SHANK2: variants seen among roughly 807,000 people sequenced by gnomAD.
SHANK2 encodes the protein SH3 and multiple ankyrin repeat domains 2.
In SHANK2, 43 loss-of-function variants were observed where a neutral mutation model predicts 133.7. The ratio of observed to expected loss-of-function variants is 0.32; its 90% CI spans 0.25 to 0.41. The LOEUF is 0.41. Ranked by LOEUF, SHANK2 falls within the 10% of genes least tolerant of loss-of-function variation. The pLI is 1.00. For synonymous variants in SHANK2, 1,017 were observed against 952.8 expected (o/e 1.07, Z -1.24); for missense variants, 1,994 against 2,235.8 (o/e 0.89, Z 2.18).
chr11:70,575,159 T>C (rs1554983962), intron 17 of SHANK2, among the ~76,000 whole-genome samples: 17 of 151,960 alleles, frequency 1.1e-4, no homozygotes. Flanking sequence ...GACACTGGGG[T>C]CCAGGCCAAG....
At chr11:70,576,461 T>C (rs939041657) in intron 17 of SHANK2, among the ~76,000 whole-genome samples, 13 of 151,714 alleles carry the variant, frequency 8.6e-5, no homozygotes, top group South Asian at 4.2e-4. Context: ...GGTGAAACCC[T>C]GTCTCTACTA....
At chr11:71,137,517 T>C (rs1184378667) in intron 3 of SHANK2, among the ~76,000 whole-genome samples, 2 of 152,042 alleles carry the variant, frequency 1.3e-5, no homozygotes, top group African/African-American at 4.8e-5. Context: ...GTGGATGCTG[T>C]GTGAATGGAA....
At chr11:70,938,535 CT>C (rs1464530018) in intron 10 of SHANK2, among the ~76,000 whole-genome samples, 1 of 152,178 alleles carries the variant, frequency 6.6e-6, no homozygotes, top group African/African-American at 2.4e-5. Flanking sequence ...ATTTTGCTCA[CT>C]AAGATTTAGC....
intron 17 of SHANK2, among the ~76,000 whole-genome samples, chr11:70,549,156 G>A (rs902764803): frequency 2.6e-5 from 4 of 152,200 alleles, no homozygotes; most frequent in Non-Finnish European, 4.4e-5. Context: ...GGCGCTCGAC[G>A]TGAAAGCTCA....
At chr11:70,669,456 G>C (rs1249875478) in intron 15 of SHANK2, 1 of 152,492 alleles carries the variant, frequency 6.6e-6, no homozygotes, top group Non-Finnish European at 1.5e-5. Flanking sequence ...CATTCGGTGG[G>C]GGGCGTTGCA....
At chr11:70,546,103 T>A (rs1314757610) in intron 17 of SHANK2, among the ~76,000 whole-genome samples, 113 of 53,836 alleles carry the variant, frequency 2.1e-3, no homozygotes, top group African/African-American at 5.0e-3. Context: ...TTTAATTTTT[T>A]TTTTTTTTTT....
intron 5 of SHANK2, among the ~76,000 whole-genome samples, chr11:71,110,786 C>T (rs1555099049): frequency 6.6e-6 from 1 of 152,174 alleles, no homozygotes; most frequent in African/African-American, 2.4e-5. Flanking sequence ...TGTTTAAAAT[C>T]CCCTCACCGT....
At chr11:71,190,219 G>A (rs528815220) in intron 2 of SHANK2, among the ~76,000 whole-genome samples, 1 of 152,362 alleles carries the variant, frequency 6.6e-6, no homozygotes, top group Non-Finnish European at 1.5e-5. Context: ...GCTGGCCTTG[G>A]ACTAGAAGAT....
intron 17 of SHANK2, among the ~76,000 whole-genome samples, chr11:70,613,923 C>G (rs2060701828): frequency 6.6e-6 from 1 of 152,108 alleles, no homozygotes; most frequent in Non-Finnish European, 1.5e-5. Context: ...CACCACCATG[C>G]CCAGCTAATT....
chr11:71,219,719 C>T (rs1280661198), intron 2 of SHANK2, among the ~76,000 whole-genome samples: 1 of 151,708 alleles, frequency 6.6e-6, no homozygotes, highest in East Asian at 1.9e-4. Flanking sequence ...GGTAAAATCC[C>T]GTCTCTACTA....
chr11:70,535,358 ACCATCATCCATCTG>A lies in SHANK2; in HGVS notation c.2062-32441_2062-32428del, dbSNP rs1451661663. Among the ~76,000 whole-genome samples, 18 of 151,344 alleles carry A rather than the reference ACCATCATCCATCTG, an allele frequency of 1.2e-4. No homozygotes were observed. Among genetic ancestry groups the A allele is most frequent in the African/African-American group, 4.1e-4 (17 of 41,178 alleles). Reference sequence around the variant, plus strand: ...TCTTCCATTCATCCATTCATTATCTACCATCATCCATCTGCCATCATCCATCAGTCTAACCAGTC... The same window carrying A: ...TCTTCCATTCATCCATTCATTATCTACCATCATCCATCAGTCTAACCAGTC... On this transcript the variant is annotated intron_variant, in intron 17 of 25. Transcript: ENST00000601538. The surrounding 1 kb of genome is among the most constrained non-coding windows in gnomAD (Gnocchi z 4.3).
chr11:70,847,528 C>A (rs1329554613), intron 11 of SHANK2, among the ~76,000 whole-genome samples: 1 of 152,142 alleles, frequency 6.6e-6, no homozygotes, highest in African/African-American at 2.4e-5. Flanking sequence ...TGCCCCCCTA[C>A]CCAACTCAGA....
At chr11:70,682,422 G>A (rs868919237) in intron 15 of SHANK2, among the ~76,000 whole-genome samples, 34 of 152,336 alleles carry the variant, frequency 2.2e-4, no homozygotes, top group Admixed American at 1.7e-3. Flanking sequence ...GAGGATCACC[G>A]AAGGTCAGGA....
intron 11 of SHANK2, among the ~76,000 whole-genome samples, chr11:70,833,702 G>A (rs1210634662): frequency 2.0e-5 from 3 of 152,236 alleles, no homozygotes; most frequent in African/African-American, 7.2e-5. Flanking sequence ...GCTCAACAGA[G>A]GTTAGCTGTT....
At position 71,201,577 on chromosome 11, in the gene SHANK2, T is replaced by C. The variant is rs555440101; in HGVS notation, c.-13+23120A>G. ...TGAGGGTCCCTATGAGCCGGTTCTCTTTCAAGCCCAGACACCAGTGACCTC... is the reference window on the plus strand; with the variant it reads ...TGAGGGTCCCTATGAGCCGGTTCTCCTTCAAGCCCAGACACCAGTGACCTC... On this transcript the variant is annotated intron_variant, in intron 2 of 25. Transcript: ENST00000601538. 1.7e-3 allele frequency among the ~76,000 whole-genome samples: 262 copies of C among 152,334 alleles called. 1 individual carries two copies. The highest frequency in any genetic ancestry group is 0.014 in the Middle Eastern group (4 of 294).
intron 2 of SHANK2, among the ~76,000 whole-genome samples, chr11:71,163,593 T>C (rs1252328794): frequency 6.6e-6 from 1 of 152,188 alleles, no homozygotes; most frequent in African/African-American, 2.4e-5. Context: ...ATCTGATAGA[T>C]AAGGAGCCTT....
intron 11 of SHANK2, chr11:70,895,312 GA>G (rs1949916608): frequency 6.5e-6 from 1 of 152,696 alleles, no homozygotes; most frequent in South Asian, 2.1e-4. Flanking sequence ...TGCCAAAAAT[GA>G]GGTGACGGGC....
At chr11:70,930,955 C>T (rs1350592051) in intron 10 of SHANK2, among the ~76,000 whole-genome samples, 1 of 151,920 alleles carries the variant, frequency 6.6e-6, no homozygotes, top group South Asian at 2.1e-4. Flanking sequence ...GCATGAGTTA[C>T]CATGCCCACC....
intron 2 of SHANK2, among the ~76,000 whole-genome samples, chr11:71,177,165 A>G (rs965427322): frequency 4.6e-5 from 7 of 152,168 alleles, no homozygotes; most frequent in Non-Finnish European, 1.0e-4. Context: ...TCTGTCCTAC[A>G]ATAAATGTTA....
Sources: gnomAD v4.1 joint callset for allele counts (sites outside exome capture counted in the v4.1 genomes callset) on GRCh38, gnomAD v4.1.1 for gene constraint, Gnocchi (gnomAD v3.1) non-coding constraint, MANE v1.5 for transcripts, NCBI Gene and HGNC (gene_info 2026-07-23, HGNC 2026-07-21) for gene names.